Variants in SLIT3 observed in about 807,000 individuals in gnomAD.
The protein encoded by SLIT3 is slit homolog 3 protein.
In SLIT3, 68 loss-of-function variants were observed where a neutral mutation model predicts 184.0. That is an observed-to-expected ratio of 0.37 (90% CI 0.30 to 0.45). The LOEUF is 0.45. Ranked by LOEUF, SLIT3 falls within the 20% of genes least tolerant of loss-of-function variation. SLIT3 has a pLI of 1.00. For synonymous variants in SLIT3, 831 were observed against 828.6 expected, an observed-to-expected ratio of 1.00 and a Z score of -0.05; for missense variants, 1,707 against 2,026.0, an observed-to-expected ratio of 0.84 and a Z score of 3.02.
intron 34 of SLIT3, among the ~76,000 whole-genome samples, chr5:168,670,203 T>A (rs1761194383): frequency 1.3e-5 from 2 of 152,254 alleles, no homozygotes; most frequent in Admixed American, 6.5e-5. Flanking sequence ...CAGTGTCCAC[T>A]GTGAGCTGTG....
At position 168,671,350 on chromosome 5, in the gene SLIT3, G is replaced by C. The variant is rs559947061; in HGVS notation, c.3975C>G (p.Ser1325=). 5 of 1,614,038 alleles carry C rather than the reference G, an allele frequency of 3.1e-6. No individual in the cohort carries two copies. Among genetic ancestry groups the C allele is most frequent in the Non-Finnish European group, 4.2e-6 (5 of 1,180,026 alleles). The change falls in exon 34 of 36, where the codon TCC becomes TCG. Residue 1325 remains serine (S), a synonymous_variant. Coordinates refer to ENST00000519560, the MANE Select transcript of SLIT3 (RefSeq NM_003062.4). ...ACTTGCAGCCTGGTGACACCCCCAG[G>C]GACTGTGGTGGGAGGGCCTTGAAGT... ...LQDFKALPPQ[S]LGVSPGCKSC... is the part of the protein sequence containing the mutation.
At chr5:168,948,572 A>G (rs1000484085) in intron 4 of SLIT3, among the ~76,000 whole-genome samples, 1 of 152,178 alleles carries the variant, frequency 6.6e-6, no homozygotes, top group Non-Finnish European at 1.5e-5. Flanking sequence ...ATTTTTAAGA[A>G]AAGGAAGCTT....
chr5:169,101,520 A>C (rs530774029), intron 4 of SLIT3, among the ~76,000 whole-genome samples: 2 of 152,342 alleles, frequency 1.3e-5, no homozygotes, highest in African/African-American at 4.8e-5. Flanking sequence ...ATGAATGCTC[A>C]GCCATCTGCC....
At chr5:168,745,273 GAGGAAAGAAATTGGT>G (rs1201443145) in intron 20 of SLIT3, among the ~76,000 whole-genome samples, 1 of 152,246 alleles carries the variant, frequency 6.6e-6, no homozygotes, top group Non-Finnish European at 1.5e-5. Context: ...TCTTATAGAT[GAGGAAAGAAATTGGT>G]TTCTTGAAAT....
At chr5:169,210,343 T>G (rs1472596037) in intron 3 of SLIT3, among the ~76,000 whole-genome samples, 1 of 152,228 alleles carries the variant, frequency 6.6e-6, no homozygotes, top group East Asian at 1.9e-4. Flanking sequence ...GCATTATATT[T>G]TTTATGTTTT....
intron 10 of SLIT3, among the ~76,000 whole-genome samples, chr5:168,792,851 C>T (rs1468900293): frequency 6.6e-6 from 1 of 152,198 alleles, no homozygotes; most frequent in Non-Finnish European, 1.5e-5. Context: ...ACTTTCTGAG[C>T]ACTGACATGA....
At chr5:168,736,186 C>G (rs1490388514) in intron 20 of SLIT3, among the ~76,000 whole-genome samples, 1 of 152,182 alleles carries the variant, frequency 6.6e-6, no homozygotes, top group African/African-American at 2.4e-5. Flanking sequence ...CAGTGTGTGG[C>G]ACAATGAACT....
intron 2 of SLIT3, among the ~76,000 whole-genome samples, chr5:169,250,089 C>G (rs564478191): frequency 4.6e-5 from 7 of 152,324 alleles, no homozygotes; most frequent in African/African-American, 1.7e-4. Flanking sequence ...TTAGAAAGCA[C>G]AGAGTCTAGG....
chr5:168,901,242 T>C (rs1161425379), intron 4 of SLIT3, among the ~76,000 whole-genome samples: 12 of 152,102 alleles, frequency 7.9e-5, no homozygotes, highest in Admixed American at 7.2e-4. Flanking sequence ...CGGGCGCCTG[T>C]AGTCCCAGCT....
chr5:169,215,823 T>C (rs554842923), intron 3 of SLIT3, among the ~76,000 whole-genome samples: 1 of 152,368 alleles, frequency 6.6e-6, no homozygotes, highest in East Asian at 1.9e-4. Context: ...TTTCCTAGAA[T>C]GAAATTCCTA....
chr5:168,823,577 T>G (rs983624528), intron 6 of SLIT3, among the ~76,000 whole-genome samples: 16 of 152,166 alleles, frequency 1.1e-4, no homozygotes, highest in African/African-American at 3.9e-4. Context: ...CTACCCACCT[T>G]GAGTAAGAGT....
chr5:169,133,174 T>C (rs888688), intron 4 of SLIT3, among the ~76,000 whole-genome samples: 20,934 of 152,232 alleles, frequency 0.14, 1,571 homozygotes, highest in South Asian at 0.27. Flanking sequence ...TTTCTACCTG[T>C]AGGCAGGAAC....
At chr5:169,086,900 C>T (rs1463430676) in intron 4 of SLIT3, among the ~76,000 whole-genome samples, 1 of 152,132 alleles carries the variant, frequency 6.6e-6, no homozygotes, top group Admixed American at 6.5e-5. Context: ...CTTTGTTGGG[C>T]AGGATGATGG....
intron 18 of SLIT3, among the ~76,000 whole-genome samples, chr5:168,750,369 C>T (rs1754653954): frequency 1.3e-5 from 2 of 152,180 alleles, no homozygotes; most frequent in South Asian, 2.1e-4. Context: ...CCTGTCACAG[C>T]GACCCTATGA....
At chr5:169,170,265 G>T (rs1762775629) in intron 4 of SLIT3, among the ~76,000 whole-genome samples, 1 of 152,180 alleles carries the variant, frequency 6.6e-6, no homozygotes, top group South Asian at 2.1e-4. Flanking sequence ...TGAAGACCAT[G>T]ATGTTGGTCC....
At chr5:169,165,494 C>T (rs143760820) in intron 4 of SLIT3, among the ~76,000 whole-genome samples, 9 of 152,352 alleles carry the variant, frequency 5.9e-5, no homozygotes, top group Non-Finnish European at 8.8e-5. Flanking sequence ...ATGCATCTTG[C>T]ACTATTCTAA....
At chr5:168,672,511 T>G (rs538579373) in intron 33 of SLIT3, among the ~76,000 whole-genome samples, 1 of 152,220 alleles carries the variant, frequency 6.6e-6, no homozygotes, top group Non-Finnish European at 1.5e-5. Flanking sequence ...GGTCTCACTC[T>G]GTCACCCAGG....
chr5:169,251,478 T>G lies in SLIT3; in HGVS notation c.198-19A>C. The G allele has an allele frequency of 6.4e-7, 1 of 1,574,514 alleles. No individual in the cohort carries two copies. The highest frequency in any genetic ancestry group is 8.7e-7 in the Non-Finnish European group (1 of 1,143,926). ...CAGGTCACTGCAATGGAGAGCAAAT[T>G]CAGGTCAGATTTTTGTGGGTTACAA... On this transcript the variant is annotated intron_variant, in intron 1 of 35. Transcript: ENST00000519560.
intron 4 of SLIT3, among the ~76,000 whole-genome samples, chr5:169,102,200 T>TG (rs1760044906): frequency 6.6e-6 from 1 of 152,152 alleles, no homozygotes; most frequent in African/African-American, 2.4e-5. Context: ...TGTGTTGGGG[T>TG]GGGGATGAGA....
Sources: gnomAD v4.1 joint callset for allele counts (sites outside exome capture counted in the v4.1 genomes callset) on GRCh38, gnomAD v4.1.1 for gene constraint, MANE v1.5 for transcripts, NCBI Gene and HGNC (gene_info 2026-07-23, HGNC 2026-07-21) for gene names.